SMCHD1: variants seen among roughly 807,000 people sequenced by gnomAD.
The protein encoded by SMCHD1 is structural maintenance of chromosomes flexible hinge domain containing 1.
Under a neutral mutation model 254.7 loss-of-function variants are expected in SMCHD1, and 78 were observed. That is an observed-to-expected ratio of 0.31 (90% CI 0.26 to 0.37). The LOEUF is 0.37. SMCHD1 is among the 10% of genes least tolerant of loss of function. The pLI, the probability that SMCHD1 is intolerant of heterozygous loss-of-function variation, is 1.00. For synonymous variants in SMCHD1, 766 were observed against 794.9 expected (o/e 0.96, Z 0.61); for missense variants, 1,840 against 2,408.1 (o/e 0.76, Z 4.94).
chr18:2,770,232 AGGT>A (rs1469772970), intron 39 of SMCHD1, 124 bp downstream of exon 39: 5 of 979,840 alleles, frequency 5.1e-6, no homozygotes, highest in Non-Finnish European at 7.3e-6. Context: ...TGTTTCAGAA[AGGT>A]GGTAATGATG....
intron 17 of SMCHD1, among the ~76,000 whole-genome samples, chr18:2,709,246 A>ATG (rs1555635623): frequency 3.7e-5 from 4 of 107,450 alleles, no homozygotes; most frequent in Non-Finnish European, 8.5e-5. Context: ...ATATATATAT[A>ATG]TATACACACA....
At position 2,656,212 on chromosome 18, in the gene SMCHD1, A is replaced by C. The variant is rs1216466849; in HGVS notation, c.137A>C (p.Gln46Pro). 2 of 1,503,478 alleles carry C rather than the reference A, an allele frequency of 1.3e-6. No homozygotes were observed. The highest frequency in any genetic ancestry group is 1.8e-6 in the Non-Finnish European group (2 of 1,134,276). 93.1% of individuals were successfully genotyped at this position (1,503,478 alleles called of 1,614,324 possible). ...TCCGAGCTCGGGGACCGGCCTCTGC[A>C]GGTCGGGGAGCGCTCGGACTACGCG... is the stretch of plus-strand genomic sequence containing the variant. ...KESELGDRPL[Q>P]VGERSDYAGF... Residue 46 changes from glutamine to proline, a missense_variant, in exon 1 of 48, where the codon CAG becomes CCG. Around this residue, in one of 9 missense-constraint regions of SMCHD1, gnomAD observed 115 missense variants for 99.1 expected, o/e 1.16. Coordinates refer to ENST00000320876, the MANE Select transcript of SMCHD1 (RefSeq NM_015295.3).
intron 44 of SMCHD1, among the ~76,000 whole-genome samples, chr18:2,779,308 A>G (rs1366421742): frequency 1.3e-5 from 2 of 152,176 alleles, no homozygotes; most frequent in African/African-American, 4.8e-5. Context: ...ACCTGTTGTC[A>G]TCTGGCATCA....
At chr18:2,707,735 G>C in intron 16 of SMCHD1, 72 bp from the exon 17 acceptor site, 6 of 1,468,848 alleles carry the variant, frequency 4.1e-6, no homozygotes, top group Non-Finnish European at 5.6e-6. Context: ...ATATTAAAAT[G>C]CAATGGGAAG....
At chr18:2,674,242 GT>G in intron 5 of SMCHD1, 97 bp downstream of exon 5, 1 of 947,924 alleles carries the variant, frequency 1.1e-6, no homozygotes, top group Non-Finnish European at 1.5e-6. Flanking sequence ...TACATTGGAG[GT>G]TTTACTGTTA....
chr18:2,709,234 A>G (rs375251289), intron 17 of SMCHD1, among the ~76,000 whole-genome samples: 201 of 54,428 alleles, frequency 3.7e-3, no homozygotes, highest in East Asian at 9.5e-3. Flanking sequence ...GTATATGTGT[A>G]TATATATATA....
rs750199501 is a variant in SMCHD1 at position 2,656,206 on chromosome 18, C to T, written c.131C>T (p.Pro44Leu). The T allele has an allele frequency of 6.6e-7, 1 of 1,506,380 alleles. No individual in the cohort carries two copies. Among genetic ancestry groups the T allele is most frequent in the Admixed American group, 2.7e-5 (1 of 37,494 alleles). The allele number at this position is 1,506,380 out of a possible 1,614,324, so 93.3% of individuals were successfully genotyped here. A position where few individuals can be genotyped will look rare whatever the true frequency, so the allele number is the denominator to read the frequency against. ...AAGGAGTCCGAGCTCGGGGACCGGCCTCTGCAGGTCGGGGAGCGCTCGGAC... is the reference window on the plus strand; with the variant it reads ...AAGGAGTCCGAGCTCGGGGACCGGCTTCTGCAGGTCGGGGAGCGCTCGGAC... ...REKESELGDR[P>L]LQVGERSDYA... Residue 44 changes from proline to leucine, a missense_variant, in exon 1 of 48, where the codon CCT (proline) becomes CTT (leucine). By Grantham distance (98) the Pro-to-Leu change is moderately conservative. Transcript: ENST00000320876.
chr18:2,801,005 T>A (rs549978805), intron 47 of SMCHD1: 29 of 152,226 alleles, frequency 1.9e-4, no homozygotes, highest in Admixed American at 1.8e-3. Context: ...ATATTGTTGC[T>A]GAAATAAAAA....
Position 2,802,566 on chromosome 18 carries a change from G to A in SMCHD1, c.*14G>A, listed in dbSNP as rs190587143. On this transcript the variant is annotated 3_prime_UTR_variant, in exon 48 of 48. Transcript: ENST00000320876. The stretch of plus-strand genomic sequence containing the variant: ...ACAGATGTATGAGAGGTGACAGAGA[G>A]AAGAGGCCATTGGTCTCAGTAAGAA... 2 of 1,551,258 alleles carry A rather than the reference G, an allele frequency of 1.3e-6. No individual in the cohort carries two copies. The highest frequency in any genetic ancestry group is 2.4e-5 in the East Asian group (1 of 41,202).
intron 5 of SMCHD1, among the ~76,000 whole-genome samples, chr18:2,675,186 C>T (rs1221590179): frequency 6.6e-6 from 1 of 151,456 alleles, no homozygotes; most frequent in Non-Finnish European, 1.5e-5. Context: ...CAGAGCCTCG[C>T]ATATGGTAAA....
In SMCHD1 at chr18:2,737,233, G is replaced by A. The variant is rs1354796532; in HGVS notation, c.3277-1164G>A. On this transcript the variant is annotated intron_variant, in intron 25 of 47. Coordinates refer to ENST00000320876, the MANE Select transcript of SMCHD1 (RefSeq NM_015295.3). Reference sequence around the variant, plus strand: ...TCACTGGAGATTCCAAAAAAGGGGAGGGTAATAGAGGAGCAGGGGTTGAAA... The same window carrying A: ...TCACTGGAGATTCCAAAAAAGGGGAAGGTAATAGAGGAGCAGGGGTTGAAA... Among the ~76,000 whole-genome samples, 3 of 152,224 alleles carry A rather than the reference G, an allele frequency of 2.0e-5. No individual in the cohort carries two copies. In the South Asian group the frequency reaches 6.2e-4, roughly 32 times the overall value.
intron 34 of SMCHD1, among the ~76,000 whole-genome samples, chr18:2,753,470 G>A (rs939366889): frequency 5.3e-5 from 8 of 152,158 alleles, no homozygotes; most frequent in Admixed American, 4.6e-4. Flanking sequence ...GTTCATAGAT[G>A]TGTATATTTA....
In SMCHD1 at chr18:2,697,868, T is replaced by C. The variant is rs2074317387; in HGVS notation, c.1169T>C (p.Val390Ala). 1 of 1,613,288 alleles carries C rather than the reference T, an allele frequency of 6.2e-7. No individual in the cohort carries two copies. Among genetic ancestry groups the C allele is most frequent in the East Asian group, 2.2e-5 (1 of 44,802 alleles). ...MFEKGKVPKI[V>A]NLREIQDDMQ... ...GAAAAAGGGAAGGTACCTAAGATTG[T>C]CAACCTAAGGGAAATACAAGACGAC... The change falls in exon 10 of 48, where the codon GTC becomes GCC. Residue 390 changes from valine (V) to alanine (A), a missense_variant. By Grantham distance (64) the Val-to-Ala change is moderately conservative. Around this residue, in one of 9 missense-constraint regions of SMCHD1, gnomAD observed 498 missense variants for 743.5 expected, o/e 0.67. Coordinates refer to ENST00000320876, the MANE Select transcript of SMCHD1 (RefSeq NM_015295.3).
chr18:2,702,601 A>C (rs1000010077), intron 12 of SMCHD1, among the ~76,000 whole-genome samples: 5 of 152,148 alleles, frequency 3.3e-5, no homozygotes, highest in African/African-American at 9.7e-5. Context: ...CTGATTTGGG[A>C]AAGAGTTGGT....
chr18:2,754,715 T>C (rs1028391778), intron 34 of SMCHD1, among the ~76,000 whole-genome samples: 1 of 152,120 alleles, frequency 6.6e-6, no homozygotes, highest in Non-Finnish European at 1.5e-5. Context: ...CCTCCTGAAA[T>C]CTAAACTCAC....
intron 26 of SMCHD1, among the ~76,000 whole-genome samples, chr18:2,739,091 A>C (rs951616138): frequency 3.9e-5 from 6 of 152,174 alleles, no homozygotes; most frequent in Non-Finnish European, 8.8e-5. Context: ...TTTGAGATAG[A>C]ATTTTCAAAT....
chr18:2,775,697 A>T, intron 41 of SMCHD1, 37 bp from the exon 42 acceptor site: 1 of 1,551,376 alleles, frequency 6.4e-7, no homozygotes, highest in Non-Finnish European at 8.7e-7. Flanking sequence ...TTATATATGG[A>T]TTTTATATTT....
intron 45 of SMCHD1, among the ~76,000 whole-genome samples, chr18:2,792,523 G>C (rs28533754): frequency 6.6e-6 from 1 of 152,128 alleles, no homozygotes; most frequent in Non-Finnish European, 1.5e-5. Flanking sequence ...TATCCACTGG[G>C]GGTTTCAGAC....
In SMCHD1 at chr18:2,729,257, T is replaced by G; in HGVS notation, c.2914-18T>G. The G allele has an allele frequency of 7.0e-7, 1 of 1,432,864 alleles. No homozygotes were observed. Among genetic ancestry groups the G allele is most frequent in the Non-Finnish European group, 9.2e-7 (1 of 1,090,492 alleles). 88.8% of individuals were successfully genotyped at this position (1,432,864 alleles called of 1,614,324 possible). On this transcript the variant is annotated intron_variant, in intron 23 of 47. Transcript: ENST00000320876. ...ATATTTAATAGGGGTCTTACATTAT[T>G]TTTCATCTTTCAAATAGTTTTCAGG... is the stretch of plus-strand genomic sequence containing the variant.
Sources: gnomAD v4.1 joint callset for allele counts (sites outside exome capture counted in the v4.1 genomes callset) on GRCh38, gnomAD v4.1.1 for gene constraint, gnomAD v4.1.1 regional missense constraint, MANE v1.5 for transcripts, NCBI Gene and HGNC (gene_info 2026-07-23, HGNC 2026-07-21) for gene names.